Variants in TRIML2 observed in about 807,000 individuals in gnomAD.
TRIML2 encodes the protein tripartite motif family like 2, also known as probable E3 ubiquitin-protein ligase TRIML2.
A neutral mutation model predicts 31.2 loss-of-function variants in TRIML2; 28 were observed. The ratio of observed to expected loss-of-function variants is 0.90; its 90% CI spans 0.66 to 1.23. The LOEUF (loss-of-function observed/expected upper bound fraction) is 1.23. Among genes scored for constraint, TRIML2 ranks in the 50% most tolerant of loss-of-function variants. The probability of loss-of-function intolerance (pLI) is 0.00; values close to 1 mark genes in which losing one functional copy is unlikely to be tolerated. For missense variants in TRIML2, 536 were observed against 528.3 expected, an observed-to-expected ratio of 1.01 and a Z score of -0.14; for synonymous variants, 187 against 197.5, an observed-to-expected ratio of 0.95 and a Z score of 0.45.
intron 1 of TRIML2, among the ~76,000 whole-genome samples, chr4:188,106,198 C>G (rs916391199): frequency 1.5e-4 from 18 of 119,718 alleles, no homozygotes; most frequent in East Asian, 7.1e-4. Context: ...TTCAGGCGCC[C>G]GCCACCTCGC....
intron 1 of TRIML2, among the ~76,000 whole-genome samples, chr4:188,106,195 GC>G (rs1012124169): frequency 7.1e-5 from 9 of 127,346 alleles, no homozygotes; most frequent in Admixed American, 1.5e-4. Context: ...GACTTCAGGC[GC>G]CCGCCACCTC....
At chr4:188,094,026 G>A (rs1345934576) in intron 7 of TRIML2, among the ~76,000 whole-genome samples, 1 of 151,980 alleles carries the variant, frequency 6.6e-6, no homozygotes, top group Non-Finnish European at 1.5e-5. Flanking sequence ...GGGAGGAGGA[G>A]GTTGCGGTGA....
intron 1 of TRIML2, among the ~76,000 whole-genome samples, chr4:188,109,011 TA>T (rs1734141954): frequency 6.6e-6 from 1 of 152,096 alleles, no homozygotes; most frequent in Non-Finnish European, 1.5e-5. Context: ...ATTGAAGGTG[TA>T]ATGAGAGAGG....
At chr4:188,102,070 C>T (rs1405443624) in intron 3 of TRIML2, among the ~76,000 whole-genome samples, 1 of 148,078 alleles carries the variant, frequency 6.8e-6, no homozygotes, top group East Asian at 2.0e-4. Context: ...GTGGAGCTTG[C>T]AGTGAGCCGA....
At position 188,091,953 on chromosome 4, in the gene TRIML2, G is replaced by T. The variant is rs1733282468; in HGVS notation, c.746-12C>A. Reference sequence around the variant, plus strand: ...CAATGTTAAATGTCCTATCAGGAGAGAAAACCCTCGTTAACCTAGGAGTTC... The same window carrying T: ...CAATGTTAAATGTCCTATCAGGAGATAAAACCCTCGTTAACCTAGGAGTTC... On this transcript the variant is annotated splice_polypyrimidine_tract_variant and intron_variant, in intron 7 of 7. Coordinates refer to ENST00000682553, the MANE Select transcript of TRIML2 (RefSeq NM_173553.4). 1 of 1,598,004 alleles carries T rather than the reference G, an allele frequency of 6.3e-7. No individual in the cohort carries two copies. The highest frequency in any genetic ancestry group is 8.5e-7 in the Non-Finnish European group (1 of 1,174,840).
intron 1 of TRIML2, among the ~76,000 whole-genome samples, chr4:188,106,273 G>T (rs34034636): frequency 0.13 from 19,313 of 151,936 alleles, 1,443 homozygotes; most frequent in Admixed American, 0.19. Flanking sequence ...GGATGGTCTC[G>T]ATCTCCTGAC....
intron 7 of TRIML2, among the ~76,000 whole-genome samples, chr4:188,095,797 C>T (rs566130551): frequency 1.2e-4 from 18 of 152,166 alleles, no homozygotes; most frequent in South Asian, 1.0e-3. Flanking sequence ...AACCCATGTC[C>T]GTAGAATTGC....
chr4:188,095,962 G>A (rs1168552395), intron 7 of TRIML2, among the ~76,000 whole-genome samples: 1 of 152,186 alleles, frequency 6.6e-6, no homozygotes, highest in Non-Finnish European at 1.5e-5. Context: ...GGATTCCATC[G>A]ATAGGACATT....
chr4:188,103,383 G>A (rs1451837297), intron 3 of TRIML2, among the ~76,000 whole-genome samples: 1 of 152,126 alleles, frequency 6.6e-6, no homozygotes, highest in African/African-American at 2.4e-5. Context: ...TCAGCCTTCT[G>A]TTCGAAACCT....
intron 3 of TRIML2, among the ~76,000 whole-genome samples, chr4:188,104,420 G>A (rs1733936312): frequency 6.6e-6 from 1 of 152,132 alleles, no homozygotes; most frequent in African/African-American, 2.4e-5. Context: ...CTGGAGTCCA[G>A]TAGTGTGATC....
chr4:188,091,513 T>C lies in TRIML2; in HGVS notation c.1174A>G (p.Ile392Val). 8 of 1,614,114 alleles carry C rather than the reference T, an allele frequency of 5.0e-6. No individual in the cohort carries two copies. The highest frequency in any genetic ancestry group is 5.9e-6 in the Non-Finnish European group (7 of 1,180,030). ...AAGGCGCAATGGGAGAAATTGTAAATGAGGGACATCTCGGTCACATTGTAG... is the reference window on the plus strand; with the variant it reads ...AAGGCGCAATGGGAGAAATTGTAAACGAGGGACATCTCGGTCACATTGTAG... ...SFYNVTEMSL[I>V]YNFSHCAFQG... The change falls in exon 8 of 8, where the codon ATT (isoleucine) becomes GTT (valine). Residue 392 changes from isoleucine to valine, a missense_variant. Transcript: ENST00000682553.
chr4:188,092,493 A>AAAC (rs1733312617), intron 7 of TRIML2, among the ~76,000 whole-genome samples: 1 of 137,618 alleles, frequency 7.3e-6, no homozygotes, highest in African/African-American at 3.1e-5. Flanking sequence ...AACAAACAAA[A>AAAC]AACAGCTTCA....
intron 5 of TRIML2, chr4:188,098,092 C>G (rs1223557777): frequency 3.8e-6 from 1 of 260,236 alleles, no homozygotes; most frequent in Non-Finnish European, 7.8e-6. Flanking sequence ...ACTGCTCCAG[C>G]CTGGGAGATA....
rs72724961 is a variant in TRIML2 at position 188,098,301 on chromosome 4, G to A, written c.621+734C>T. 2,943 of 450,348 alleles carry A rather than the reference G, an allele frequency of 6.5e-3. 33 individuals are homozygous for A. The highest frequency in any genetic ancestry group is 8.7e-3 in the Non-Finnish European group (1,959 of 224,990). 27.9% of individuals were successfully genotyped at this position (450,348 alleles called of 1,614,324 possible). A position where few individuals can be genotyped will look rare whatever the true frequency, so the allele number is the denominator to read the frequency against. ...GGCACTGGCAGATTCAGTGTCCGGT[G>A]AGGGCTCCATCCCTCCTAGGTAGCC... On this transcript the variant is annotated intron_variant, in intron 5 of 7. Transcript: ENST00000682553.
intron 1 of TRIML2, among the ~76,000 whole-genome samples, chr4:188,106,268 G>A (rs1734035598): frequency 6.6e-6 from 1 of 152,042 alleles, no homozygotes; most frequent in South Asian, 2.1e-4. Flanking sequence ...AGCCAGGATG[G>A]TCTCGATCTC....
At chr4:188,106,200 C>T (rs1294673233) in intron 1 of TRIML2, among the ~76,000 whole-genome samples, 1 of 119,042 alleles carries the variant, frequency 8.4e-6, no homozygotes, top group Non-Finnish European at 1.7e-5. Context: ...CAGGCGCCCG[C>T]CACCTCGCCC....
rs1203816148 is a variant in TRIML2 at position 188,091,676 on chromosome 4, C to G, written c.1011G>C (p.Glu337Asp). 2.5e-6 allele frequency: 4 copies of G among 1,613,134 alleles called. No individual in the cohort carries two copies. The African/African-American group carries it at 5.3e-5, about 22-fold the overall frequency. The change falls in exon 8 of 8, where the codon GAG becomes GAC. Residue 337 changes from glutamate (E) to aspartate (D), a missense_variant. Transcript: ENST00000682553. Reference sequence around the variant, plus strand: ...TCACCGACCCCGTGAGCAAGACTTTCTCTCCGGAAGCTCTGGCCGTGCTGC... The same window carrying G: ...TCACCGACCCCGTGAGCAAGACTTTGTCTCCGGAAGCTCTGGCCGTGCTGC... Reference protein sequence around the residue: ...AKGSTARASGEKVLLTGSVMG... With the variant: ...AKGSTARASGDKVLLTGSVMG...
At position 188,091,885 on chromosome 4, in the gene TRIML2, G is replaced by C; in HGVS notation, c.802C>G (p.Leu268Val). 4 of 1,613,870 alleles carry C rather than the reference G, an allele frequency of 2.5e-6. No individual in the cohort carries two copies. The highest frequency in any genetic ancestry group is 3.4e-6 in the Non-Finnish European group (4 of 1,180,042). The change falls in exon 8 of 8, where the codon CTG (leucine) becomes GTG (valine). Residue 268 changes from leucine to valine, a missense_variant. Transcript: ENST00000682553. ...CCATGTCTCAATCTCATAGTTCTCA[G>C]GTCCTCAGATAGTGCCAGGCAGGGA... ...AHPCLALSED[L>V]RTMRLRHGQQ...
intron 4 of TRIML2, among the ~76,000 whole-genome samples, chr4:188,100,530 G>T (rs1733737899): frequency 6.6e-6 from 1 of 152,118 alleles, no homozygotes; most frequent in Non-Finnish European, 1.5e-5. Context: ...AGACCATCCT[G>T]GCTAACACGG....
Sources: allele counts gnomAD v4.1 joint callset (sites outside exome capture counted in the v4.1 genomes callset), GRCh38; gene constraint gnomAD v4.1.1; transcripts MANE v1.5; gene names NCBI Gene and HGNC (gene_info 2026-07-23, HGNC 2026-07-21).